Variants in OLFML1 observed in about 807,000 individuals in gnomAD.
OLFML1 encodes the protein olfactomedin-like protein 1.
OLFML1 carries 33 observed loss-of-function variants against 37.3 expected under a neutral mutation model. That is an observed-to-expected ratio of 0.88 (90% CI 0.67 to 1.18). The LOEUF (loss-of-function observed/expected upper bound fraction) is 1.18, where lower values mean the gene tolerates loss of function less well. Among genes scored for constraint, OLFML1 ranks in the 50% most tolerant of loss-of-function variants. The pLI is 0.00. For missense variants in OLFML1, 545 were observed against 483.7 expected (o/e 1.13, Z -1.19); for synonymous variants, 186 against 181.3 (o/e 1.03, Z -0.21).
At position 7,486,901 on chromosome 11, in the gene OLFML1, G is replaced by A. The variant is rs574621158; in HGVS notation, c.129+897G>A. On this transcript the variant is annotated intron_variant, in intron 1 of 2. Transcript: ENST00000329293. Reference sequence around the variant, plus strand: ...CAGGCCGAATGCATTTCCTAAGGGCGTCCAGCCAACAGGCTGGGGCCTGGA... The same window carrying A: ...CAGGCCGAATGCATTTCCTAAGGGCATCCAGCCAACAGGCTGGGGCCTGGA... Among the ~76,000 whole-genome samples the A allele has an allele frequency of 4.1e-4, 62 of 152,286 alleles. No homozygotes were observed. In the South Asian group the frequency reaches 9.7e-3, roughly 24 times the overall value.
At chr11:7,486,062 T>TTAAGGTACTTCCCAGAAG (rs1848518881) in intron 1 of OLFML1, 58 bp downstream of exon 1, 1 of 1,518,788 alleles carries the variant, frequency 6.6e-7, no homozygotes, top group Admixed American at 1.8e-5. Context: ...TACCTTATTT[T>TTAAGGTACTTCCCAGAAG]TACCCATGCT....
At chr11:7,509,216 C>T (rs530088094) in intron 2 of OLFML1, among the ~76,000 whole-genome samples, 182 bp from the exon 3 acceptor site, 16 of 152,190 alleles carry the variant, frequency 1.1e-4, no homozygotes, top group Admixed American at 3.9e-4. Context: ...TGCATTTTCG[C>T]TCTAGGATTT....
rs1027843699 is a variant in OLFML1, at chr11:7,509,995, A to G, written c.1016A>G (p.His339Arg). 1 of 1,614,240 alleles carries G rather than the reference A, an allele frequency of 6.2e-7. No homozygotes were observed. The highest frequency in any genetic ancestry group is 8.5e-7 in the Non-Finnish European group (1 of 1,180,044). ...TACAGTACTGGGGGCCAGGGCCCTC[A>G]TCGCATCACCTGCATCTATGATCCA... ...VVYSTGGQGPHRITCIYDPLG... is the reference protein window; with the variant it reads ...VVYSTGGQGPRRITCIYDPLG... The change falls in exon 3 of 3, where the codon CAT becomes CGT. Residue 339 changes from histidine to arginine, a missense_variant. By Grantham distance (29) the His-to-Arg change is conservative (BLOSUM62 0). Coordinates refer to ENST00000329293, the MANE Select transcript of OLFML1 (RefSeq NM_198474.4).
chr11:7,495,062 T>C (rs1034256275), intron 2 of OLFML1, among the ~76,000 whole-genome samples: 3 of 152,202 alleles, frequency 2.0e-5, no homozygotes, highest in Non-Finnish European at 4.4e-5. Context: ...TTTCCTGGGC[T>C]AGAAATCTTC....
chr11:7,500,623 T>A (rs1848709772), intron 2 of OLFML1, among the ~76,000 whole-genome samples: 1 of 152,146 alleles, frequency 6.6e-6, no homozygotes, highest in Admixed American at 6.5e-5. Flanking sequence ...CACTTAAACT[T>A]ATTATGAGTT....
Position 7,510,129 on chromosome 11 carries a change from A to G in OLFML1, c.1150A>G (p.Asn384Asp). The change falls in exon 3 of 3, where the codon AAT becomes GAT. Residue 384 changes from asparagine to aspartate, a missense_variant. Transcript: ENST00000329293. Reference sequence around the variant, plus strand: ...CAGAGATAAGCAGCTCTATGCCTGGAATGAAGGAAACCAGATCATTTACAA... The same window carrying G: ...CAGAGATAAGCAGCTCTATGCCTGGGATGAAGGAAACCAGATCATTTACAA... ...NPRDKQLYAWNEGNQIIYKLQ... is the reference protein window; with the variant it reads ...NPRDKQLYAWDEGNQIIYKLQ... The G allele has an allele frequency of 6.2e-7, 1 of 1,613,834 alleles. No individual in the cohort carries two copies. Among genetic ancestry groups the G allele is most frequent in the Non-Finnish European group, 8.5e-7 (1 of 1,180,030 alleles).
At position 7,485,606 on chromosome 11, in the gene OLFML1, G is replaced by A; in HGVS notation, c.-270G>A. On this transcript the variant is annotated 5_prime_UTR_variant, in exon 1 of 3. Transcript: ENST00000329293. Reference sequence around the variant, plus strand: ...GCATGTGTCAAGGGTGAGGGCAACAGATGCTGGACCCAGGGAGCTCTCTGC... The same window carrying A: ...GCATGTGTCAAGGGTGAGGGCAACAAATGCTGGACCCAGGGAGCTCTCTGC... 2.5e-6 allele frequency: 1 copy of A among 406,254 alleles called. No homozygotes were observed. The highest frequency in any genetic ancestry group is 4.5e-6 in the Non-Finnish European group (1 of 224,536). 25.2% of individuals were successfully genotyped at this position (406,254 alleles called of 1,614,324 possible). A position where few individuals can be genotyped will look rare whatever the true frequency, so the allele number is the denominator to read the frequency against.
chr11:7,495,667 G>GAATC (rs1462555664), intron 2 of OLFML1, among the ~76,000 whole-genome samples: 2 of 152,142 alleles, frequency 1.3e-5, no homozygotes, highest in Non-Finnish European at 2.9e-5. Context: ...ACAGAGTAGA[G>GAATC]AATCAATCTT....
In OLFML1 at chr11:7,510,063, C is replaced by G. The variant is rs1477099269; in HGVS notation, c.1084C>G (p.Pro362Ala). ...GGAGGACTTGCCCAACTTGTTCTTC[C>G]CCAAGAGACCAAGAAGTCACTCCAT... ...SEEDLPNLFF[P>A]KRPRSHSMIH... Residue 362 changes from proline (P) to alanine (A), a missense_variant, in exon 3 of 3, where the codon CCC becomes GCC. Coordinates refer to ENST00000329293, the MANE Select transcript of OLFML1 (RefSeq NM_198474.4). 1 of 1,614,204 alleles carries G rather than the reference C, an allele frequency of 6.2e-7. No homozygotes were observed.
chr11:7,509,588 T>TC lies in OLFML1; in HGVS notation c.613dup (p.Arg205ProfsTer25). On this transcript the variant is annotated frameshift_variant, in exon 3 of 3. Transcript: ENST00000329293. LOFTEE classifies it high-confidence loss of function. ...TCATGGAGGATAACACCAAGCCAGC[T>TC]CCCCGGAAGCAAATCCTAACACTTT... 1 of 1,614,140 alleles carries TC rather than the reference T, an allele frequency of 6.2e-7. No homozygotes were observed. Among genetic ancestry groups the TC allele is most frequent in the Non-Finnish European group, 8.5e-7 (1 of 1,180,032 alleles).
intron 2 of OLFML1, among the ~76,000 whole-genome samples, chr11:7,505,048 C>T (rs1564922505): frequency 6.6e-6 from 1 of 151,926 alleles, no homozygotes. Context: ...CTACCTCAGC[C>T]TCCTGAGTAG....
chr11:7,485,726 C>T lies in OLFML1; in HGVS notation c.-150C>T. 2 of 777,282 alleles carry T rather than the reference C, an allele frequency of 2.6e-6. No homozygotes were observed. The highest frequency in any genetic ancestry group is 5.0e-5 in the East Asian group (2 of 40,052). 48.1% of individuals were successfully genotyped at this position (777,282 alleles called of 1,614,324 possible). A position where few individuals can be genotyped will look rare whatever the true frequency, so the allele number is the denominator to read the frequency against. Reference sequence around the variant, plus strand: ...TGAGCTCACGTATCGGGTGGAATAACAAGCGGACTTTGCTCTCTGCTGTGC... The same window carrying T: ...TGAGCTCACGTATCGGGTGGAATAATAAGCGGACTTTGCTCTCTGCTGTGC... On this transcript the variant is annotated 5_prime_UTR_variant, in exon 1 of 3. Coordinates refer to ENST00000329293, the MANE Select transcript of OLFML1 (RefSeq NM_198474.4).
intron 2 of OLFML1, among the ~76,000 whole-genome samples, chr11:7,490,466 C>T (rs1037263975): frequency 6.6e-6 from 1 of 152,046 alleles, no homozygotes; most frequent in African/African-American, 2.4e-5. Flanking sequence ...GAATTGGATC[C>T]CTGAGCTGTT....
rs111822970 is a variant in OLFML1 at position 7,485,948 on chromosome 11, T to G, written c.73T>G (p.Cys25Gly). Residue 25 changes from cysteine to glycine, a missense_variant, in exon 1 of 3, where the codon TGT becomes GGT. Coordinates refer to ENST00000329293, the MANE Select transcript of OLFML1 (RefSeq NM_198474.4). ...TGCAGCTTTTCTGCCCCCGCCGCAG[T>G]GTACCCAGGACCCAGCCATGGTGCA... ...FLAAFLPPPQ[C>G]TQDPAMVHYI... 6.2e-7 allele frequency: 1 copy of G among 1,613,952 alleles called. No homozygotes were observed. Among genetic ancestry groups the G allele is most frequent in the Non-Finnish European group, 8.5e-7 (1 of 1,179,968 alleles).
At chr11:7,500,075 T>C (rs1590061237) in intron 2 of OLFML1, among the ~76,000 whole-genome samples, 1 of 152,190 alleles carries the variant, frequency 6.6e-6, no homozygotes, top group South Asian at 2.1e-4. Context: ...GTATTTTTTG[T>C]GGAGACGAGG....
At chr11:7,498,111 T>C (rs1409905375) in intron 2 of OLFML1, among the ~76,000 whole-genome samples, 1 of 152,236 alleles carries the variant, frequency 6.6e-6, no homozygotes, top group Non-Finnish European at 1.5e-5. Context: ...GAGGGCGATA[T>C]ATACTGTGTC....
intron 2 of OLFML1, among the ~76,000 whole-genome samples, chr11:7,490,246 C>G (rs1186706683): frequency 6.6e-6 from 1 of 151,856 alleles, no homozygotes; most frequent in East Asian, 1.9e-4. Flanking sequence ...CTTTTTGGCC[C>G]TGACATTGTC....
chr11:7,488,490 G>C, intron 2 of OLFML1, 75 bp downstream of exon 2: 2 of 1,214,896 alleles, frequency 1.6e-6, no homozygotes, highest in Admixed American at 2.5e-5. Flanking sequence ...AGAGCAGTCA[G>C]GGAGCATCAT....
intron 2 of OLFML1, among the ~76,000 whole-genome samples, chr11:7,496,631 A>T (rs1420967850): frequency 6.6e-6 from 1 of 152,272 alleles, no homozygotes; most frequent in East Asian, 1.9e-4. Flanking sequence ...TTCTAACTAT[A>T]CACAGGCAAA....
Sources: gnomAD v4.1 joint callset for allele counts (sites outside exome capture counted in the v4.1 genomes callset) on GRCh38, gnomAD v4.1.1 for gene constraint, MANE v1.5 for transcripts, NCBI Gene and HGNC (gene_info 2026-07-23, HGNC 2026-07-21) for gene names.